Variants in RIPOR2 observed in about 807,000 individuals in gnomAD.
The protein encoded by RIPOR2 is RHO family interacting cell polarization regulator 2, also known as rho family-interacting cell polarization regulator 2.
In RIPOR2, 39 loss-of-function variants were observed where a neutral mutation model predicts 114.5. The ratio of observed to expected loss-of-function variants is 0.34; its 90% confidence interval spans 0.26 to 0.44. The LOEUF (loss-of-function observed/expected upper bound fraction) is 0.44, where lower values mean the gene tolerates loss of function less well. RIPOR2 is among the 20% of genes least tolerant of loss of function. The pLI is 1.00. For synonymous variants in RIPOR2, 445 were observed against 484.4 expected (o/e 0.92, Z 1.07); for missense variants, 1,007 against 1,255.1 (o/e 0.80, Z 2.99).
At chr6:24,854,853 C>A (rs527931212) in intron 8 of RIPOR2, among the ~76,000 whole-genome samples, 1 of 152,012 alleles carries the variant, frequency 6.6e-6, no homozygotes. Context: ...CATGGTGAAA[C>A]CCTATCTCTA....
intron 1 of RIPOR2, among the ~76,000 whole-genome samples, chr6:24,998,585 G>A (rs1022159440): frequency 2.6e-5 from 4 of 152,030 alleles, no homozygotes; most frequent in Admixed American, 6.6e-5. Flanking sequence ...GCCTTTCAAC[G>A]TCTCTCCATT....
At chr6:24,907,820 C>A (rs905056814) in intron 1 of RIPOR2, among the ~76,000 whole-genome samples, 1 of 152,172 alleles carries the variant, frequency 6.6e-6, no homozygotes, top group Non-Finnish European at 1.5e-5. Context: ...AAGGCATATG[C>A]TCATGATCAT....
chr6:24,876,197 G>A (rs1262422552), intron 1 of RIPOR2, among the ~76,000 whole-genome samples: 3 of 151,976 alleles, frequency 2.0e-5, no homozygotes, highest in Non-Finnish European at 4.4e-5. Context: ...GGCTGAGGCA[G>A]GAGAATTGCT....
At chr6:24,827,526 A>G (rs1760296175) in intron 18 of RIPOR2, among the ~76,000 whole-genome samples, 1 of 152,246 alleles carries the variant, frequency 6.6e-6, no homozygotes, top group Non-Finnish European at 1.5e-5. Context: ...CCTGGGAACC[A>G]GAAACCAGCC....
At chr6:25,000,214 G>T (rs992157568) in intron 1 of RIPOR2, among the ~76,000 whole-genome samples, 6 of 152,192 alleles carry the variant, frequency 3.9e-5, no homozygotes, top group Non-Finnish European at 5.9e-5. Context: ...ATTAGAGGTT[G>T]CTTCCTCCAG....
chr6:25,034,178 T>C (rs1048618367), intron 1 of RIPOR2, among the ~76,000 whole-genome samples: 2 of 152,116 alleles, frequency 1.3e-5, no homozygotes, highest in Middle Eastern at 3.4e-3. Context: ...CTAGATGACT[T>C]TCTCTCTGTT....
Position 24,893,730 on chromosome 6 carries a change from T to C in RIPOR2, c.62-17913A>G, listed in dbSNP as rs146138699. ...GCCCCAACCAAACTGGGGAGCATCC[T>C]TCTTGGATATGACCCAGATCAACAG... On this transcript the variant is annotated intron_variant, in intron 1 of 21. Transcript: ENST00000643898. Among the ~76,000 whole-genome samples, 473 of 152,348 alleles carry C rather than the reference T, an allele frequency of 3.1e-3. 2 individuals carry two copies. The highest frequency in any genetic ancestry group is 6.8e-3 in the Middle Eastern group (2 of 294).
Position 24,976,438 on chromosome 6 carries a change from T to C in RIPOR2, c.76+65413A>G, listed in dbSNP as rs1774050271. On this transcript the variant is annotated intron_variant, in intron 1 of 13. Transcript: ENST00000510784. ...TTAGCCATGGTCAACCCCACCATGT[T>C]CTTCGACATTGCCGTCGACGGTGAG... 42 of 1,563,192 alleles carry C rather than the reference T, an allele frequency of 2.7e-5. No individual in the cohort carries two copies. The South Asian group carries it at 4.4e-4, about 17-fold the overall frequency.
intron 16 of RIPOR2, among the ~76,000 whole-genome samples, chr6:24,830,992 A>C (rs1006456049): frequency 6.6e-6 from 1 of 152,076 alleles, no homozygotes; most frequent in Non-Finnish European, 1.5e-5. Flanking sequence ...CTGGGATTAT[A>C]AGCGTGAGCC....
At chr6:24,968,144 G>A (rs1481314918) in intron 1 of RIPOR2, among the ~76,000 whole-genome samples, 2 of 152,030 alleles carry the variant, frequency 1.3e-5, no homozygotes, top group African/African-American at 4.8e-5. Context: ...GACCTCAGAT[G>A]ATCTGCCCGC....
At chr6:24,871,032 T>C (rs1765114233) in intron 4 of RIPOR2, 143 bp from the exon 5 acceptor site, 2 of 545,222 alleles carry the variant, frequency 3.7e-6, no homozygotes. Context: ...TGTTTTACTT[T>C]AAAAGAATAA....
At chr6:25,023,657 C>T (rs1561849694) in intron 1 of RIPOR2, 2 of 762,670 alleles carry the variant, frequency 2.6e-6, no homozygotes, top group South Asian at 1.3e-5. Context: ...ATAGATACCT[C>T]GGGACTTCAT....
chr6:25,028,380 G>A (rs1449950255), intron 1 of RIPOR2, among the ~76,000 whole-genome samples: 1 of 152,140 alleles, frequency 6.6e-6, no homozygotes, highest in African/African-American at 2.4e-5. Context: ...ATTTGAGCTT[G>A]AGTCCTAGTT....
intron 20 of RIPOR2, 44 bp downstream of exon 20, chr6:24,818,498 G>A: frequency 7.8e-7 from 1 of 1,275,514 alleles, no homozygotes; most frequent in Non-Finnish European, 1.1e-6. Flanking sequence ...GCTTAGCCTG[G>A]CTCCAAGCTG....
intron 17 of RIPOR2, among the ~76,000 whole-genome samples, chr6:24,829,889 T>C (rs1219010259): frequency 6.6e-6 from 1 of 152,214 alleles, no homozygotes; most frequent in Admixed American, 6.5e-5. Flanking sequence ...AAAGTGATCA[T>C]ACCATTTGAC....
chr6:24,927,578 A>G (rs1403631934), intron 1 of RIPOR2, among the ~76,000 whole-genome samples: 1 of 150,570 alleles, frequency 6.6e-6, no homozygotes, highest in Non-Finnish European at 1.5e-5. Context: ...CACCACCACA[A>G]TTATTATTAT....
intron 13 of RIPOR2, 132 bp from the exon 14 acceptor site, chr6:24,839,404 AT>A: frequency 7.0e-7 from 1 of 1,437,312 alleles, no homozygotes; most frequent in Non-Finnish European, 9.2e-7. Flanking sequence ...CATTTAAAAA[AT>A]GCATTTAAAA....
chr6:25,037,189 G>A lies in RIPOR2; in HGVS notation c.76+4662C>T, dbSNP rs1281086162. On this transcript the variant is annotated intron_variant, in intron 1 of 13. Coordinates refer to the RIPOR2 transcript ENST00000510784. The surrounding 1 kb of genome is among the most constrained non-coding windows in gnomAD (Gnocchi z 4.5). ...AAGGTTGAGGAAGTGGGCATTCAGGGAGGTGGAATAAATTGCCCACAGGCC... is the reference window on the plus strand; with the variant it reads ...AAGGTTGAGGAAGTGGGCATTCAGGAAGGTGGAATAAATTGCCCACAGGCC... Among the ~76,000 whole-genome samples the A allele has an allele frequency of 6.6e-6, 1 of 152,156 alleles. No individual in the cohort carries two copies. Among genetic ancestry groups the A allele is most frequent in the Non-Finnish European group, 1.5e-5 (1 of 68,036 alleles).
chr6:24,821,323 C>T (rs1759684134), intron 19 of RIPOR2, among the ~76,000 whole-genome samples: 1 of 151,688 alleles, frequency 6.6e-6, no homozygotes, highest in Admixed American at 6.6e-5. Flanking sequence ...GCTGGGATTA[C>T]AGGCATGCTC....
Sources: gnomAD v4.1 joint callset for allele counts (sites outside exome capture counted in the v4.1 genomes callset) on GRCh38, gnomAD v4.1.1 for gene constraint, Gnocchi (gnomAD v3.1) non-coding constraint, MANE v1.5 for transcripts, NCBI Gene and HGNC (gene_info 2026-07-23, HGNC 2026-07-21) for gene names.